The following SPAG1 variants were observed in gnomAD, a reference collection of about 807,000 sequenced individuals.
SPAG1 encodes sperm-associated antigen 1.
In SPAG1, 69 loss-of-function variants were observed where a neutral mutation model predicts 100.5. The ratio of observed to expected loss-of-function variants is 0.69; its 90% CI spans 0.57 to 0.84. The LOEUF (loss-of-function observed/expected upper bound fraction) is 0.84. SPAG1 is among the 40% of genes least tolerant of loss of function. The pLI is 0.00. For missense variants in SPAG1, 955 were observed against 1,133.1 expected (o/e 0.84, Z 2.26); for synonymous variants, 336 against 411.6 (o/e 0.82, Z 2.22).
Position 100,240,871 on chromosome 8 carries a change from T to G in SPAG1, c.2650-20T>G, listed in dbSNP as rs573964385. On this transcript the variant is annotated intron_variant, in intron 18 of 18. Coordinates refer to ENST00000388798, the MANE Select transcript of SPAG1 (RefSeq NM_003114.5). ...TAACATAGTTGGTTTTTTGTTTTTT[T>G]TTTTTTTTGCTTCTTTTAGATGATG... The G allele has an allele frequency of 2.2e-4, 348 of 1,565,948 alleles. 7 individuals carry two copies. In the South Asian group the frequency reaches 2.3e-3, roughly 10 times the overall value.
rs754017792 is a variant in SPAG1 at position 100,162,303 on chromosome 8, C to T, written c.23C>T (p.Ser8Leu). The T allele has an allele frequency of 2.5e-6, 4 of 1,602,010 alleles. No individual in the cohort carries two copies. The East Asian group carries it at 8.9e-5, about 36-fold the overall frequency. MTTKDYP[S>L]LWGFGTTKTF... is the part of the protein sequence containing the mutation. ...GCTATGACCACCAAAGATTATCCAT[C>T]ATTGTGGGGCTTTGGAACAACAAAA... Residue 8 changes from serine (S) to leucine (L), a missense_variant, in exon 2 of 19, where the codon TCA becomes TTA. Physicochemically the swap from Ser to Leu is moderately radical, Grantham distance 145 (BLOSUM62 -2). Transcript: ENST00000388798.
intron 4 of SPAG1, among the ~76,000 whole-genome samples, chr8:100,179,360 G>A (rs1816268646): frequency 6.6e-6 from 1 of 152,146 alleles, no homozygotes; most frequent in African/African-American, 2.4e-5. Flanking sequence ...TCCAGCCTGG[G>A]GGAAAGAGGG....
At chr8:100,220,106 A>G (rs942729671) in intron 12 of SPAG1, among the ~76,000 whole-genome samples, 173 bp from the exon 13 acceptor site, 1 of 152,146 alleles carries the variant, frequency 6.6e-6, no homozygotes, top group Non-Finnish European at 1.5e-5. Context: ...GAACACAAAT[A>G]TGATTGCTTT....
chr8:100,213,075 T>C lies in SPAG1; in HGVS notation c.1097-15T>C. ...GTGATGCAAACCCTCACTTCCCGCA[T>C]CCACTTCCTCACAGAGCCCGCGGAG... On this transcript the variant is annotated splice_polypyrimidine_tract_variant and intron_variant, in intron 10 of 18. Coordinates refer to ENST00000388798, the MANE Select transcript of SPAG1 (RefSeq NM_003114.5). The C allele has an allele frequency of 6.9e-7, 1 of 1,447,406 alleles. No individual in the cohort carries two copies. The highest frequency in any genetic ancestry group is 1.3e-5 in the South Asian group (1 of 76,038). The allele number at this position is 1,447,406 out of a possible 1,614,324, so 89.7% of individuals were successfully genotyped here.
chr8:100,226,804 C>T lies in SPAG1; in HGVS notation c.1855+1465C>T, dbSNP rs192292745. On this transcript the variant is annotated intron_variant, in intron 14 of 18. Coordinates refer to ENST00000388798, the MANE Select transcript of SPAG1 (RefSeq NM_003114.5). ...ATGTTTAAAATAATAAAGTAAAGCC[C>T]CACAACATAAATATAATCATGTGCT... is the stretch of plus-strand genomic sequence containing the variant. Among the ~76,000 whole-genome samples, 365 of 152,176 alleles carry T rather than the reference C, an allele frequency of 2.4e-3. 1 individual carries two copies. The highest frequency in any genetic ancestry group is 4.0e-3 in the Non-Finnish European group (275 of 67,978).
chr8:100,164,510 T>C (rs943381379), intron 2 of SPAG1, among the ~76,000 whole-genome samples: 1 of 152,136 alleles, frequency 6.6e-6, no homozygotes, highest in Non-Finnish European at 1.5e-5. Context: ...CTGCAACCTC[T>C]GCCTCCCAGG....
Position 100,177,796 on chromosome 8 carries a change from A to G in SPAG1, c.301-20A>G, listed in dbSNP as rs1026359231. 2 of 1,369,204 alleles carry G rather than the reference A, an allele frequency of 1.5e-6. No individual in the cohort carries two copies. Among genetic ancestry groups the G allele is most frequent in the Non-Finnish European group, 2.1e-6 (2 of 975,402 alleles). 84.8% of individuals were successfully genotyped at this position (1,369,204 alleles called of 1,614,324 possible). On this transcript the variant is annotated intron_variant, in intron 3 of 18. Coordinates refer to ENST00000388798, the MANE Select transcript of SPAG1 (RefSeq NM_003114.5). ...TATAATTATTTCAAACTATATATTT[A>G]CCCTTTTCTCTATTCTCAGAGTTGG...
chr8:100,159,995 C>G (rs1052924722), intron 1 of SPAG1, among the ~76,000 whole-genome samples: 1 of 152,122 alleles, frequency 6.6e-6, no homozygotes, highest in Non-Finnish European at 1.5e-5. Context: ...TAAATGTTAA[C>G]TGTTATTACT....
chr8:100,221,181 C>T (rs1047493950), intron 13 of SPAG1, among the ~76,000 whole-genome samples: 1 of 152,200 alleles, frequency 6.6e-6, no homozygotes, highest in Non-Finnish European at 1.5e-5. Flanking sequence ...ACAGGATTTG[C>T]AGGTGTTCAT....
At chr8:100,194,327 G>A (rs1177023248) in intron 10 of SPAG1, 59 bp downstream of exon 10, 1 of 1,566,092 alleles carries the variant, frequency 6.4e-7, no homozygotes, top group Non-Finnish European at 8.7e-7. Flanking sequence ...TGATGAGCTG[G>A]CTCAATTTTT....
intron 10 of SPAG1, among the ~76,000 whole-genome samples, chr8:100,202,890 G>A (rs1586471550): frequency 1.3e-5 from 2 of 152,212 alleles, no homozygotes; most frequent in South Asian, 2.1e-4. Flanking sequence ...ACTGGGTGCA[G>A]TGGCTCATGC....
intron 12 of SPAG1, among the ~76,000 whole-genome samples, chr8:100,216,225 T>G (rs1751181476): frequency 6.6e-6 from 1 of 152,162 alleles, no homozygotes; most frequent in Non-Finnish European, 1.5e-5. Flanking sequence ...AAGCCCGTGG[T>G]GATTTGCAGC....
In SPAG1 at chr8:100,213,782, T is replaced by A. The variant is rs114109130; in HGVS notation, c.1436-37T>A. On this transcript the variant is annotated intron_variant, in intron 11 of 18. Coordinates refer to ENST00000388798, the MANE Select transcript of SPAG1 (RefSeq NM_003114.5). Reference sequence around the variant, plus strand: ...TTCTGGTGAACTGTGATCTTGCTAATGGATTTTAACTGTATTTAATTAAAT... The same window carrying A: ...TTCTGGTGAACTGTGATCTTGCTAAAGGATTTTAACTGTATTTAATTAAAT... The A allele has an allele frequency of 7.1e-4, 923 of 1,307,486 alleles. 5 individuals carry two copies. In the African/African-American group the frequency reaches 0.012, roughly 17 times the overall value. The allele number at this position is 1,307,486 out of a possible 1,614,324, so 81.0% of individuals were successfully genotyped here.
intron 1 of SPAG1, among the ~76,000 whole-genome samples, chr8:100,161,157 T>C (rs1305071798): frequency 2.0e-5 from 3 of 151,800 alleles, no homozygotes; most frequent in Non-Finnish European, 2.9e-5. Context: ...CTGGGGAAAA[T>C]GGCAAAACCC....
intron 1 of SPAG1, 140 bp downstream of exon 1, chr8:100,158,756 A>G (rs763367368): frequency 6.6e-6 from 1 of 152,170 alleles, no homozygotes; most frequent in South Asian, 2.1e-4. Flanking sequence ...AAAGTATTGT[A>G]TAACTTGTTT....
chr8:100,210,568 C>G (rs143200845), intron 10 of SPAG1, among the ~76,000 whole-genome samples: 11 of 152,282 alleles, frequency 7.2e-5, no homozygotes, highest in Non-Finnish European at 1.5e-4. Flanking sequence ...GTTTTTTTCT[C>G]TCATTTCTAG....
At chr8:100,235,348 C>T (rs1818956174) in intron 16 of SPAG1, among the ~76,000 whole-genome samples, 1 of 152,158 alleles carries the variant, frequency 6.6e-6, no homozygotes, top group Non-Finnish European at 1.5e-5. Context: ...AACTTCAACA[C>T]AGGACTTTCT....
At chr8:100,196,545 C>T (rs1817039185) in intron 10 of SPAG1, among the ~76,000 whole-genome samples, 1 of 152,118 alleles carries the variant, frequency 6.6e-6, no homozygotes, top group Non-Finnish European at 1.5e-5. Context: ...CACCAATTTT[C>T]AAAAATTGGG....
chr8:100,173,485 A>G (rs1815971650), intron 3 of SPAG1, among the ~76,000 whole-genome samples: 1 of 151,952 alleles, frequency 6.6e-6, no homozygotes, highest in Non-Finnish European at 1.5e-5. Flanking sequence ...CAGATAATAT[A>G]GTTGTTGGGT....
Sources: allele counts gnomAD v4.1 joint callset (sites outside exome capture counted in the v4.1 genomes callset), GRCh38; gene constraint gnomAD v4.1.1; transcripts MANE v1.5; gene names NCBI Gene and HGNC (gene_info 2026-07-23, HGNC 2026-07-21).